Variants in DNAAF11 observed in about 807,000 individuals in gnomAD.
The protein encoded by DNAAF11 is dynein axonemal assembly factor 11, also known as leucine rich repeat containing 6.
A neutral mutation model predicts 60.8 loss-of-function variants in DNAAF11; 45 were observed. The ratio of observed to expected loss-of-function variants is 0.74; its 90% confidence interval spans 0.58 to 0.95. The LOEUF is 0.95. Among genes scored for constraint, DNAAF11 ranks in the 40% least tolerant of loss-of-function variants. The pLI is 0.00. For synonymous variants in DNAAF11, 191 were observed against 183.5 expected (o/e 1.04, Z -0.33); for missense variants, 546 against 546.2 (o/e 1.00, Z 0.00).
chr8:132,702,610 C>A, the DNAAF11 span, among the ~76,000 whole-genome samples: 1 of 152,110 alleles, frequency 6.6e-6, no homozygotes, highest in African/African-American at 2.4e-5. Context: ...AATTGCAGCT[C>A]CCACTTCAGA....
At chr8:132,612,426 T>C (rs1818760178) in intron 8 of DNAAF11, among the ~76,000 whole-genome samples, 1 of 152,258 alleles carries the variant, frequency 6.6e-6, no homozygotes, top group African/African-American at 2.4e-5. Flanking sequence ...CTTACCTACA[T>C]GGCCTTTCTC....
intron 1 of DNAAF11, among the ~76,000 whole-genome samples, chr8:132,667,210 G>A (rs1301527706): frequency 6.6e-6 from 1 of 152,108 alleles, no homozygotes; most frequent in Non-Finnish European, 1.5e-5. Context: ...TCAAATCTTT[G>A]CCCCACCATT....
At chr8:132,662,110 A>G (rs1020855592) in intron 1 of DNAAF11, among the ~76,000 whole-genome samples, 5 of 151,122 alleles carry the variant, frequency 3.3e-5, no homozygotes, top group Admixed American at 2.0e-4. Context: ...ACCAATGTTT[A>G]TTAATTTAAC....
At chr8:132,594,260 C>T (rs1248320640) in intron 10 of DNAAF11, among the ~76,000 whole-genome samples, 1 of 152,106 alleles carries the variant, frequency 6.6e-6, no homozygotes, top group Non-Finnish European at 1.5e-5. Flanking sequence ...TCTCTACTCT[C>T]ATAATCCCCA....
At position 132,572,394 on chromosome 8, in the gene DNAAF11, G is replaced by A. The variant is rs745912588; in HGVS notation, c.1313C>T (p.Thr438Ile). 2 of 1,613,778 alleles carry A rather than the reference G, an allele frequency of 1.2e-6. No individual in the cohort carries two copies. The highest frequency in any genetic ancestry group is 1.7e-5 in the Admixed American group (1 of 60,000). ...TTTGGGTTCAGGTCGTCTTCTGGGT[G>A]TGTGTTTTTTCTCTTGAACTATGTT... is the stretch of plus-strand genomic sequence containing the variant. The part of the protein sequence containing the change: ...VTNIVQEKKH[T>I]PRRRPEPKII... The change falls in exon 12 of 12, where the codon ACA becomes ATA. Residue 438 changes from threonine (T) to isoleucine (I), a missense_variant. Coordinates refer to ENST00000620350, the MANE Select transcript of DNAAF11 (RefSeq NM_012472.6).
the DNAAF11 span, among the ~76,000 whole-genome samples, chr8:132,689,719 A>G: frequency 6.7e-6 from 1 of 149,034 alleles, no homozygotes. Context: ...GTGTGTGTGT[A>G]TGTGTATATA....
At chr8:132,577,136 C>T (rs1814836011) in intron 11 of DNAAF11, among the ~76,000 whole-genome samples, 1 of 152,080 alleles carries the variant, frequency 6.6e-6, no homozygotes, top group African/African-American at 2.4e-5. Flanking sequence ...CATGATGCCC[C>T]ACTGAAACCA....
intron 4 of DNAAF11, among the ~76,000 whole-genome samples, chr8:132,637,008 C>A (rs1821368640): frequency 6.6e-6 from 1 of 152,132 alleles, no homozygotes; most frequent in Non-Finnish European, 1.5e-5. Context: ...CACATGCAGG[C>A]TGGGAACTCT....
intron 9 of DNAAF11, 31 bp from the exon 10 acceptor site, chr8:132,610,292 A>C: frequency 4.1e-6 from 6 of 1,463,958 alleles, no homozygotes; most frequent in Non-Finnish European, 5.8e-6. Context: ...AGTATCATTG[A>C]GAGCAAGGAC....
chr8:132,574,704 T>C (rs1563956566), intron 11 of DNAAF11, among the ~76,000 whole-genome samples: 1 of 152,228 alleles, frequency 6.6e-6, no homozygotes, highest in Non-Finnish European at 1.5e-5. Flanking sequence ...AATTAATCTC[T>C]GAACCTGGGG....
chr8:132,599,542 C>G (rs868083255), intron 10 of DNAAF11, among the ~76,000 whole-genome samples: 1 of 152,212 alleles, frequency 6.6e-6, no homozygotes, highest in Non-Finnish European at 1.5e-5. Flanking sequence ...ACTGGCAAAC[C>G]GAATCCAGCA....
intron 10 of DNAAF11, chr8:132,608,619 T>C (rs1818347147): frequency 3.2e-6 from 1 of 313,106 alleles, no homozygotes; most frequent in Non-Finnish European, 6.6e-6. Flanking sequence ...CTCTATTTAA[T>C]CTTTGGCTTT....
the DNAAF11 span, among the ~76,000 whole-genome samples, chr8:132,699,913 C>G: frequency 6.6e-6 from 1 of 152,118 alleles, no homozygotes; most frequent in Non-Finnish European, 1.5e-5. Flanking sequence ...AGACAGAAGA[C>G]TAGTGGCTGC....
At chr8:132,612,372 T>C (rs1158027647) in intron 8 of DNAAF11, among the ~76,000 whole-genome samples, 2 of 152,230 alleles carry the variant, frequency 1.3e-5, no homozygotes, top group Admixed American at 1.3e-4. Flanking sequence ...TAATGGATTA[T>C]GCAGTATTTT....
Position 132,625,306 on chromosome 8 carries a change from T to A in DNAAF11, c.802A>T (p.Met268Leu), listed in dbSNP as rs1483225382. ...TCCTGTTTCTTCCGTTGTTTTTCCA[T>A]GTGTCTAAGAGTTTCCAATCTTGAT... ...PESRLETLRH[M>L]EKQRKKQEKL... Residue 268 changes from methionine to leucine, a missense_variant, in exon 6 of 12, where the codon ATG becomes TTG. Met to Leu is a conservative substitution (Grantham distance 15). Transcript: ENST00000620350. 5.0e-6 allele frequency: 8 copies of A among 1,605,376 alleles called. No individual in the cohort carries two copies. The highest frequency in any genetic ancestry group is 6.8e-6 in the Non-Finnish European group (8 of 1,176,830).
chr8:132,648,227 T>A (rs1452939473), intron 3 of DNAAF11, among the ~76,000 whole-genome samples: 1 of 152,086 alleles, frequency 6.6e-6, no homozygotes, highest in Non-Finnish European at 1.5e-5. Flanking sequence ...ATAAATATAA[T>A]CCAGCATATA....
chr8:132,613,072 G>A (rs1321921655), intron 8 of DNAAF11, among the ~76,000 whole-genome samples: 2 of 152,232 alleles, frequency 1.3e-5, no homozygotes, highest in African/African-American at 2.4e-5. Flanking sequence ...ACGGCAGCTT[G>A]GGAAGCTGGA....
chr8:132,643,059 G>C (rs538329841), intron 3 of DNAAF11, among the ~76,000 whole-genome samples: 3 of 152,240 alleles, frequency 2.0e-5, no homozygotes, highest in Non-Finnish European at 4.4e-5. Context: ...TCACAATAGG[G>C]CTCCGCTCCT....
intron 3 of DNAAF11, among the ~76,000 whole-genome samples, chr8:132,646,264 T>C (rs1244834392): frequency 6.6e-6 from 1 of 152,082 alleles, no homozygotes; most frequent in Non-Finnish European, 1.5e-5. Context: ...AGAAATAAAA[T>C]CCTTTACAGA....
Sources: allele counts gnomAD v4.1 joint callset (sites outside exome capture counted in the v4.1 genomes callset), GRCh38; gene constraint gnomAD v4.1.1; transcripts MANE v1.5; gene names NCBI Gene and HGNC (gene_info 2026-07-23, HGNC 2026-07-21).